Variants in GAS7 observed in about 807,000 individuals in gnomAD.
GAS7 encodes growth arrest-specific protein 7.
GAS7 carries 28 observed loss-of-function variants against 71.1 expected under a neutral mutation model. The observed-to-expected ratio is 0.39, with a 90% confidence interval of 0.29 to 0.54. The LOEUF (loss-of-function observed/expected upper bound fraction) is 0.54, where lower values mean the gene tolerates loss of function less well. Ranked by LOEUF, GAS7 falls within the 20% of genes least tolerant of loss-of-function variation. GAS7 has a pLI of 0.62. For synonymous variants in GAS7, 258 were observed against 245.8 expected (o/e 1.05, Z -0.46); for missense variants, 436 against 627.8 (o/e 0.69, Z 3.27).
rs148741493 is a variant in GAS7 at position 10,033,092 on chromosome 17, A to G, written c.184-13195T>C. Among the ~76,000 whole-genome samples, 80 of 152,274 alleles carry G rather than the reference A, an allele frequency of 5.3e-4. 1 individual carries two copies. Among genetic ancestry groups the G allele is most frequent in the African/African-American group, 1.9e-3 (77 of 41,560 alleles). On this transcript the variant is annotated intron_variant, in intron 1 of 13. Coordinates refer to ENST00000432992, the MANE Select transcript of GAS7 (RefSeq NM_201433.2). ...AGCTAGTACTTTTCTCTTCGTCCTAAAGATTAATGATCTTGACATGCATCC... is the reference window on the plus strand; with the variant it reads ...AGCTAGTACTTTTCTCTTCGTCCTAGAGATTAATGATCTTGACATGCATCC...
chr17:9,950,748 C>A (rs541252741), intron 5 of GAS7, among the ~76,000 whole-genome samples: 1 of 151,682 alleles, frequency 6.6e-6, no homozygotes, highest in Non-Finnish European at 1.5e-5. Flanking sequence ...CCCAGCTACT[C>A]GAGAGGCTGA....
At chr17:9,996,124 C>T (rs1030567545) in intron 2 of GAS7, among the ~76,000 whole-genome samples, 16 of 152,104 alleles carry the variant, frequency 1.1e-4, no homozygotes, top group South Asian at 2.1e-4. Flanking sequence ...CACATGCACA[C>T]GTACGTTTAT....
At chr17:10,005,193 G>A (rs80159082) in intron 2 of GAS7, among the ~76,000 whole-genome samples, 15,639 of 149,092 alleles carry the variant, frequency 0.1, 1,656 homozygotes, top group African/African-American at 0.27. Flanking sequence ...GTATGTGCAC[G>A]CATGCATGTG....
chr17:9,944,148 T>A, intron 6 of GAS7, among the ~76,000 whole-genome samples: 1 of 152,222 alleles, frequency 6.6e-6, no homozygotes, highest in East Asian at 1.9e-4. Flanking sequence ...GCATACCAAA[T>A]GCCCCTTCCC....
chr17:10,089,726 G>A (rs2073560556), intron 1 of GAS7, among the ~76,000 whole-genome samples: 1 of 152,164 alleles, frequency 6.6e-6, no homozygotes, highest in South Asian at 2.1e-4. Flanking sequence ...AAGGAGGAGA[G>A]GCAGTGCTTA....
At chr17:10,126,366 G>GCACACACACC (rs1375436320) in intron 1 of GAS7, among the ~76,000 whole-genome samples, 2 of 40,696 alleles carry the variant, frequency 4.9e-5, no homozygotes, top group Non-Finnish European at 1.5e-4. Context: ...ACACACTCTT[G>GCACACACACC]CACACACACC....
intron 4 of GAS7, among the ~76,000 whole-genome samples, chr17:9,962,356 TG>T (rs775309092): frequency 3.9e-5 from 6 of 152,136 alleles, no homozygotes; most frequent in Non-Finnish European, 7.3e-5. Flanking sequence ...GGCTAGAAAT[TG>T]GTTTCCAAAT....
chr17:9,977,151 T>C (rs2070238542), intron 3 of GAS7, among the ~76,000 whole-genome samples: 1 of 152,226 alleles, frequency 6.6e-6, no homozygotes, highest in South Asian at 2.1e-4. Context: ...GAAGTTACTG[T>C]CTTTATAGCT....
chr17:10,114,478 G>A (rs1316476613), intron 1 of GAS7: 3 of 152,042 alleles, frequency 2.0e-5, no homozygotes, highest in Admixed American at 6.6e-5. Flanking sequence ...TCTGACTGGG[G>A]TGCCACCACC....
At chr17:10,036,428 T>C (rs2072753380) in intron 1 of GAS7, 5 of 1,609,224 alleles carry the variant, frequency 3.1e-6, no homozygotes, top group Non-Finnish European at 4.3e-6. Flanking sequence ...AAAAATCAAT[T>C]CTTACCATCA....
intron 5 of GAS7, among the ~76,000 whole-genome samples, chr17:9,957,853 G>A (rs1429943321): frequency 6.6e-6 from 1 of 152,150 alleles, no homozygotes; most frequent in Non-Finnish European, 1.5e-5. Flanking sequence ...CTCCAAAGGA[G>A]CTCATGACAC....
intron 1 of GAS7, among the ~76,000 whole-genome samples, chr17:10,093,447 G>A (rs935439206): frequency 1.3e-5 from 2 of 151,050 alleles, no homozygotes; most frequent in African/African-American, 2.4e-5. Context: ...GCACACGCCT[G>A]AGTCCCAGCT....
intron 7 of GAS7, among the ~76,000 whole-genome samples, chr17:9,941,003 G>A (rs190239733): frequency 2.0e-5 from 3 of 152,320 alleles, no homozygotes; most frequent in East Asian, 1.9e-4. Context: ...TCCACCACAC[G>A]GTGAACAGAG....
At chr17:10,137,771 C>G (rs1005854612) in intron 1 of GAS7, among the ~76,000 whole-genome samples, 1 of 151,944 alleles carries the variant, frequency 6.6e-6, no homozygotes, top group African/African-American at 2.4e-5. Flanking sequence ...GAACTCCTGG[C>G]CTCAGGTCAT....
chr17:10,005,259 A>G (rs961622345), intron 2 of GAS7, among the ~76,000 whole-genome samples: 3 of 147,364 alleles, frequency 2.0e-5, no homozygotes, highest in Non-Finnish European at 3.0e-5. Context: ...GTGTGTGCAC[A>G]CATACATGTA....
chr17:9,918,150 G>C lies in GAS7; in HGVS notation c.1219-51C>G, dbSNP rs4791911. On this transcript the variant is annotated intron_variant, in intron 12 of 13. Transcript: ENST00000432992. The stretch of plus-strand genomic sequence containing the variant: ...ACTCTGAGCACGTCCCCTCCACTTG[G>C]GGGTCCCCCCACCAAGACCACAAAA... 2,268 of 1,370,640 alleles carry C rather than the reference G, an allele frequency of 1.7e-3. 35 individuals carry two copies. In the African/African-American group the frequency reaches 0.029, roughly 17 times the overall value. The allele number at this position is 1,370,640 out of a possible 1,614,324, so 84.9% of individuals were successfully genotyped here.
At chr17:9,945,400 C>T (rs747195498) in intron 6 of GAS7, among the ~76,000 whole-genome samples, 6 of 151,754 alleles carry the variant, frequency 4.0e-5, no homozygotes, top group Admixed American at 2.0e-4. Context: ...GAAAGTCTTA[C>T]GCACTCTGAT....
chr17:10,076,750 G>A (rs997496588), intron 1 of GAS7, among the ~76,000 whole-genome samples: 2 of 152,098 alleles, frequency 1.3e-5, no homozygotes, highest in African/African-American at 4.8e-5. Flanking sequence ...CAGAACGGAC[G>A]AGCTGAACTG....
intron 2 of GAS7, among the ~76,000 whole-genome samples, chr17:10,019,226 A>C (rs538963424): frequency 6.6e-6 from 1 of 152,248 alleles, no homozygotes; most frequent in Admixed American, 6.5e-5. Context: ...TGATGGGATA[A>C]ATAACCCATA....
Sources: gnomAD v4.1 joint callset for allele counts (sites outside exome capture counted in the v4.1 genomes callset) on GRCh38, gnomAD v4.1.1 for gene constraint, MANE v1.5 for transcripts, NCBI Gene and HGNC (gene_info 2026-07-23, HGNC 2026-07-21) for gene names.